SLAMF6: variants seen among roughly 807,000 people sequenced by gnomAD.
SLAMF6 encodes the protein SLAM family member 6.
A neutral mutation model predicts 38.3 loss-of-function variants in SLAMF6; 21 were observed. The observed-to-expected ratio is 0.55, with a 90% CI of 0.39 to 0.79. The LOEUF (loss-of-function observed/expected upper bound fraction) is 0.79, where lower values mean the gene tolerates loss of function less well. Among genes scored for constraint, SLAMF6 ranks in the 30% least tolerant of loss-of-function variants. SLAMF6 has a pLI of 0.00. For synonymous variants in SLAMF6, 152 were observed against 146.3 expected (o/e 1.04, Z -0.28); for missense variants, 341 against 385.3 (o/e 0.89, Z 0.96).
In SLAMF6 at chr1:160,523,189, A is replaced by G; in HGVS notation, c.4T>C (p.Leu2=). 1 of 1,613,784 alleles carries G rather than the reference A, an allele frequency of 6.2e-7. No homozygotes were observed. Among genetic ancestry groups the G allele is most frequent in the Non-Finnish European group, 8.5e-7 (1 of 1,179,826 alleles). The change falls in exon 1 of 8, where the codon TTG becomes CTG. Residue 2 remains leucine (L), a synonymous_variant. Coordinates refer to ENST00000368057, the MANE Select transcript of SLAMF6 (RefSeq NM_001184714.2). ...AACAGGAGCGATTGGAACAGCCACA[A>G]CATGCTTTCCGCGGTGAAGACTGGT... M[L]WLFQSLLFVF...
intron 5 of SLAMF6, among the ~76,000 whole-genome samples, chr1:160,489,453 G>A (rs1267092379): frequency 6.6e-6 from 1 of 152,108 alleles, no homozygotes; most frequent in African/African-American, 2.4e-5. Context: ...GGAAGCTCCT[G>A]GGACCAAATA....
At chr1:160,497,087 C>T (rs1653624608) in intron 1 of SLAMF6, among the ~76,000 whole-genome samples, 1 of 152,036 alleles carries the variant, frequency 6.6e-6, no homozygotes, top group South Asian at 2.1e-4. Context: ...TTTGTGCTGT[C>T]TTCATGATAC....
intron 1 of SLAMF6, among the ~76,000 whole-genome samples, chr1:160,500,670 T>C (rs1273031575): frequency 1.3e-5 from 2 of 152,174 alleles, no homozygotes; most frequent in African/African-American, 4.8e-5. Context: ...GTAATCTCCA[T>C]GGAGACAAAG....
intron 5 of SLAMF6, 44 bp from the exon 6 acceptor site, chr1:160,489,214 G>A: frequency 6.2e-7 from 1 of 1,603,744 alleles, no homozygotes; most frequent in Non-Finnish European, 8.5e-7. Context: ...AGGACTCTGG[G>A]ACTTCTCTCC....
At chr1:160,508,845 G>A (rs959078602) in intron 1 of SLAMF6, among the ~76,000 whole-genome samples, 3 of 152,084 alleles carry the variant, frequency 2.0e-5, no homozygotes, top group South Asian at 4.1e-4. Context: ...AGTGGGCAAA[G>A]GATATGAAGA....
At chr1:160,489,233 C>T in intron 5 of SLAMF6, 63 bp from the exon 6 acceptor site, 2 of 1,528,818 alleles carry the variant, frequency 1.3e-6, no homozygotes, top group Non-Finnish European at 1.8e-6. Context: ...CCCAGGACTT[C>T]TCCCTCCCCA....
intron 6 of SLAMF6, among the ~76,000 whole-genome samples, 181 bp downstream of exon 6, chr1:160,488,907 C>T (rs987461010): frequency 6.6e-6 from 1 of 152,106 alleles, no homozygotes; most frequent in African/African-American, 2.4e-5. Flanking sequence ...TAAACATTCC[C>T]TTAAGGGTGA....
chr1:160,508,511 AG>A (rs1247586927), intron 1 of SLAMF6, among the ~76,000 whole-genome samples: 1 of 152,270 alleles, frequency 6.6e-6, no homozygotes, highest in African/African-American at 2.4e-5. Context: ...ATTTAATTCA[AG>A]ATGGATTAAA....
intron 1 of SLAMF6, 63 bp from the exon 2 acceptor site, chr1:160,496,456 C>T: frequency 1.3e-6 from 2 of 1,518,534 alleles, no homozygotes; most frequent in Admixed American, 1.8e-5. Flanking sequence ...AAGTCCTGCA[C>T]CCTTTCACCT....
intron 5 of SLAMF6, 46 bp downstream of exon 5, chr1:160,490,152 C>G (rs1031996624): frequency 1.2e-6 from 2 of 1,605,362 alleles, no homozygotes; most frequent in Admixed American, 3.3e-5. Flanking sequence ...CCATTTGGCT[C>G]TTCCCATCTG....
intron 1 of SLAMF6, among the ~76,000 whole-genome samples, chr1:160,507,976 G>A (rs951537195): frequency 1.3e-5 from 2 of 152,030 alleles, no homozygotes; most frequent in Non-Finnish European, 2.9e-5. Context: ...TCTTCAAGGA[G>A]GACTACAAAC....
Position 160,490,662 on chromosome 1 carries a change from TA to T in SLAMF6, c.669del (p.Asp223GlufsTer4). On this transcript the variant is annotated frameshift_variant, in exon 4 of 8. Coordinates refer to ENST00000368057, the MANE Select transcript of SLAMF6 (RefSeq NM_001184714.2). LOFTEE classifies it high-confidence loss of function. ...GAAACCATAAACAGAATCATTTTGG[TA>T]TCTGTATATTGAATTTTAACATCTG... ...LCEDVKIQYT[D>X]TKMILFMVSG... 4 of 1,613,712 alleles carry T rather than the reference TA, an allele frequency of 2.5e-6. No individual in the cohort carries two copies. Among genetic ancestry groups the T allele is most frequent in the Non-Finnish European group, 3.4e-6 (4 of 1,179,774 alleles).
In SLAMF6 at chr1:160,486,468, T is replaced by C; in HGVS notation, c.*239A>G. On this transcript the variant is annotated 3_prime_UTR_variant, in exon 8 of 8. Transcript: ENST00000368057. The stretch of plus-strand genomic sequence containing the variant: ...GTGCTGGTGTGTTATCTTTAGCATG[T>C]TTTGGCCTGAAGTGGATTGGAAAAT... 1 of 481,574 alleles carries C rather than the reference T, an allele frequency of 2.1e-6. No individual in the cohort carries two copies. Among genetic ancestry groups the C allele is most frequent in the Non-Finnish European group, 3.8e-6 (1 of 266,342 alleles). 29.8% of individuals were successfully genotyped at this position (481,574 alleles called of 1,614,324 possible).
In SLAMF6 at chr1:160,496,124, AAG is replaced by A; in HGVS notation, c.317_318del (p.Ser106LeufsTer42). ...GTCTTTGTGGATATCTGGGCTCTGTAAGAGCCTGTGTCTTCCATCTTCAGGTT... is the reference window on the plus strand; with the variant it reads ...GTCTTTGTGGATATCTGGGCTCTGTAAGCCTGTGTCTTCCATCTTCAGGTT... ...LSNLKMEDTGSYRAQISTKTS... is the reference protein window; with the variant it reads ...LSNLKMEDTGXYRAQISTKTS... On this transcript the variant is annotated frameshift_variant, in exon 2 of 8. Transcript: ENST00000368057. LOFTEE classifies it high-confidence loss of function. 6.2e-7 allele frequency: 1 copy of A among 1,613,990 alleles called. No individual in the cohort carries two copies.
intron 1 of SLAMF6, among the ~76,000 whole-genome samples, chr1:160,501,735 A>C (rs1653907872): frequency 1.4e-5 from 2 of 140,686 alleles, no homozygotes; most frequent in African/African-American, 2.6e-5. Context: ...CCCTCTGCTT[A>C]AAATGCCTTT....
chr1:160,506,381 G>GA lies in SLAMF6; in HGVS notation c.50-9989dup, dbSNP rs112455915. ...GGATGACATATTTAAGGTGCTGAAAGAAAAAAAAACACCCATCAACCAAGA... is the reference window on the plus strand; with the variant it reads ...GGATGACATATTTAAGGTGCTGAAAGAAAAAAAAAACACCCATCAACCAAGA... On this transcript the variant is annotated intron_variant, in intron 1 of 7. Transcript: ENST00000368057. Among the ~76,000 whole-genome samples, 909 of 149,698 alleles carry GA rather than the reference G, an allele frequency of 6.1e-3. 6 individuals carry two copies. Among genetic ancestry groups the GA allele is most frequent in the African/African-American group, 0.021 (869 of 40,952 alleles).
Position 160,523,171 on chromosome 1 carries a change from G to A in SLAMF6, c.22C>T (p.Leu8Phe). The part of the protein sequence containing the change: MLWLFQS[L>F]LFVFCFGPGN... The stretch of plus-strand genomic sequence containing the variant: ...GGGCCAAAGCAGAAGACAAACAGGA[G>A]CGATTGGAACAGCCACAACATGCTT... Residue 8 changes from leucine (L) to phenylalanine (F), a missense_variant, in exon 1 of 8, where the codon CTC becomes TTC. Physicochemically the swap from Leu to Phe is conservative, Grantham distance 22. Coordinates refer to ENST00000368057, the MANE Select transcript of SLAMF6 (RefSeq NM_001184714.2). The A allele has an allele frequency of 6.2e-7, 1 of 1,613,884 alleles. No homozygotes were observed. Among genetic ancestry groups the A allele is most frequent in the Middle Eastern group, 1.7e-4 (1 of 6,058 alleles).
At chr1:160,490,343 G>A in intron 4 of SLAMF6, 107 bp from the exon 5 acceptor site, 2 of 1,554,078 alleles carry the variant, frequency 1.3e-6, no homozygotes, top group Non-Finnish European at 1.8e-6. Context: ...CCAAAAGGAA[G>A]GGCAAGCAGC....
intron 2 of SLAMF6, among the ~76,000 whole-genome samples, chr1:160,493,038 A>G (rs140394610): frequency 9.8e-5 from 15 of 152,328 alleles, no homozygotes; most frequent in African/African-American, 3.6e-4. Flanking sequence ...TTAGACAAGT[A>G]AGTCAAATCA....
Sources: gnomAD v4.1 joint callset for allele counts (sites outside exome capture counted in the v4.1 genomes callset) on GRCh38, gnomAD v4.1.1 for gene constraint, MANE v1.5 for transcripts, NCBI Gene and HGNC (gene_info 2026-07-23, HGNC 2026-07-21) for gene names.